NTN1: variants seen among roughly 807,000 people sequenced by gnomAD.
The protein encoded by NTN1 is netrin-1.
A neutral mutation model predicts 54.2 loss-of-function variants in NTN1; 11 were observed. The ratio of observed to expected loss-of-function variants is 0.20; its 90% CI spans 0.13 to 0.34. The LOEUF (loss-of-function observed/expected upper bound fraction) is 0.34. NTN1 is among the 10% of genes least tolerant of loss of function. NTN1 has a pLI of 1.00. For missense variants in NTN1, 740 were observed against 893.1 expected (o/e 0.83, Z 2.18); for synonymous variants, 371 against 382.0 (o/e 0.97, Z 0.33).
chr17:9,007,232 TTTTC>T, the NTN1 span, among the ~76,000 whole-genome samples: 2 of 149,272 alleles, frequency 1.3e-5, no homozygotes, highest in South Asian at 2.2e-4. Context: ...TCTCTGTTTC[TTTTC>T]TTTCTTTCCT....
chr17:9,089,150 C>T (rs571789919), intron 2 of NTN1, among the ~76,000 whole-genome samples: 21 of 152,238 alleles, frequency 1.4e-4, no homozygotes, highest in Admixed American at 4.6e-4. Context: ...CGGTGGCTCA[C>T]GCCTGTAATC....
the NTN1 span, among the ~76,000 whole-genome samples, chr17:9,011,802 A>G: frequency 6.6e-6 from 1 of 152,000 alleles, no homozygotes; most frequent in South Asian, 2.1e-4. Context: ...GTTGGCCAGG[A>G]TGGTCTCGAT....
chr17:9,092,993 T>C (rs906949026), intron 2 of NTN1, among the ~76,000 whole-genome samples: 41 of 151,858 alleles, frequency 2.7e-4, no homozygotes, highest in Admixed American at 2.0e-3. Flanking sequence ...CTCCTGCCCT[T>C]GTGATCCGCC....
intron 2 of NTN1, among the ~76,000 whole-genome samples, chr17:9,111,669 C>A (rs2092191491): frequency 1.3e-5 from 2 of 152,184 alleles, no homozygotes; most frequent in South Asian, 4.1e-4. Context: ...ATAACATCGA[C>A]AGTCAATTAA....
At chr17:9,223,252 G>A in intron 6 of NTN1, among the ~76,000 whole-genome samples, 1 of 152,194 alleles carries the variant, frequency 6.6e-6, no homozygotes, top group East Asian at 1.9e-4. Context: ...GCCCTGGGTT[G>A]TTTTGAAAGG....
intron 5 of NTN1, among the ~76,000 whole-genome samples, chr17:9,186,751 C>T (rs2092434549): frequency 6.6e-6 from 1 of 152,204 alleles, no homozygotes; most frequent in Non-Finnish European, 1.5e-5. Flanking sequence ...CTTCCGGTGG[C>T]CTCTCGGCAC....
intron 2 of NTN1, among the ~76,000 whole-genome samples, chr17:9,086,460 C>T (rs2092090291): frequency 6.6e-6 from 1 of 152,152 alleles, no homozygotes; most frequent in African/African-American, 2.4e-5. Flanking sequence ...CCATAGGGTT[C>T]CTGACCTCAA....
At chr17:9,045,782 TAATAA>T (rs932459602) in intron 2 of NTN1, among the ~76,000 whole-genome samples, 3 of 151,980 alleles carry the variant, frequency 2.0e-5, no homozygotes, top group African/African-American at 7.3e-5. Context: ...TTGGAAGGAC[TAATAA>T]AATAAACAAA....
intron 2 of NTN1, 110 bp from the exon 3 acceptor site, chr17:9,162,703 C>G (rs1014333158): frequency 9.8e-7 from 1 of 1,020,492 alleles, no homozygotes; most frequent in African/African-American, 1.6e-5. Flanking sequence ...CTGCCTGGCT[C>G]TGCTAGTGGA....
upstream of NTN1, among the ~76,000 whole-genome samples, chr17:9,020,990 C>T (rs572056126): frequency 6.6e-6 from 1 of 152,336 alleles, no homozygotes; most frequent in Admixed American, 6.5e-5. Flanking sequence ...TCCTCTTCCT[C>T]ACGCTCCCGG....
At chr17:9,078,439 C>T (rs748284369) in intron 2 of NTN1, among the ~76,000 whole-genome samples, 71 of 152,294 alleles carry the variant, frequency 4.7e-4, no homozygotes, top group Non-Finnish European at 8.1e-4. Context: ...AGGGATGGAG[C>T]GTGAGCATCC....
At chr17:9,197,658 C>CA (rs112690206) in intron 5 of NTN1, among the ~76,000 whole-genome samples, 8,867 of 79,550 alleles carry the variant, frequency 0.11, 348 homozygotes, top group Middle Eastern at 0.22. Flanking sequence ...AGACTCTGTC[C>CA]AAAAAAAAAA....
chr17:9,227,251 CACTT>C lies in NTN1; in HGVS notation c.1486+6010_1486+6013del, dbSNP rs1421270606. ...CATCACATACACCATCACACACACA[CACTT>C]TATCACACAGGCACATATACCACAT... On this transcript the variant is annotated intron_variant, in intron 6 of 6. Transcript: ENST00000173229. Among the ~76,000 whole-genome samples, 8 of 151,388 alleles carry C rather than the reference CACTT, an allele frequency of 5.3e-5. No homozygotes were observed. The East Asian group carries it at 1.6e-3, about 30-fold the overall frequency.
intron 2 of NTN1, among the ~76,000 whole-genome samples, chr17:9,089,339 C>T (rs555023981): frequency 6.6e-6 from 1 of 151,968 alleles, no homozygotes; most frequent in South Asian, 2.1e-4. Context: ...CGCTTGAACC[C>T]GGGAGGCGGA....
rs1314584634 is a variant in NTN1, at chr17:9,023,259, C to T, written c.886C>T (p.Arg296Cys). ...KCNGHAARCV[R>C]DRDDSLVCDC... ...CAACGGCCACGCGGCCCGCTGCGTG[C>T]GCGACCGCGACGACAGCCTGGTGTG... The change falls in exon 2 of 7, where the codon CGC becomes TGC. Residue 296 changes from arginine to cysteine, a missense_variant. Physicochemically the swap from Arg to Cys is radical, Grantham distance 180. Coordinates refer to ENST00000173229, the MANE Select transcript of NTN1 (RefSeq NM_004822.3). 3 of 1,561,786 alleles carry T rather than the reference C, an allele frequency of 1.9e-6. No homozygotes were observed. The highest frequency in any genetic ancestry group is 1.8e-5 in the Admixed American group (1 of 54,764).
chr17:9,204,002 G>A (rs1904887208), intron 5 of NTN1, among the ~76,000 whole-genome samples: 1 of 152,126 alleles, frequency 6.6e-6, no homozygotes, highest in Non-Finnish European at 1.5e-5. Context: ...GAAGGCTTGT[G>A]CTGGGCTGTG....
the NTN1 span, among the ~76,000 whole-genome samples, chr17:9,013,929 T>C: frequency 6.6e-6 from 1 of 152,232 alleles, no homozygotes; most frequent in Non-Finnish European, 1.5e-5. Context: ...AAAAGCTTTT[T>C]GCAAATGAAA....
At chr17:9,068,882 A>G (rs2092024126) in intron 2 of NTN1, among the ~76,000 whole-genome samples, 1 of 152,100 alleles carries the variant, frequency 6.6e-6, no homozygotes, top group Non-Finnish European at 1.5e-5. Context: ...CGAATTTCCA[A>G]AAGGGGCTCT....
At chr17:9,237,342 C>T (rs1396824425) in intron 6 of NTN1, among the ~76,000 whole-genome samples, 1 of 152,048 alleles carries the variant, frequency 6.6e-6, no homozygotes, top group Admixed American at 6.5e-5. Flanking sequence ...GTCATAGGGC[C>T]CACCCTAATG....
Sources: gnomAD v4.1 joint callset for allele counts (sites outside exome capture counted in the v4.1 genomes callset) on GRCh38, gnomAD v4.1.1 for gene constraint, MANE v1.5 for transcripts, NCBI Gene and HGNC (gene_info 2026-07-23, HGNC 2026-07-21) for gene names.